Variants in LOC128462377 observed in about 807,000 individuals in gnomAD.
chr16:89,358,262 C>T, the LOC128462377 span, among the ~76,000 whole-genome samples: 2 of 152,234 alleles, frequency 1.3e-5, no homozygotes, highest in Non-Finnish European at 2.9e-5. Context: ...TGCCGGCTTG[C>T]AGAAGACGTA....
chr16:89,349,407 G>A, the LOC128462377 span, among the ~76,000 whole-genome samples: 1 of 152,126 alleles, frequency 6.6e-6, no homozygotes, highest in South Asian at 2.1e-4. Flanking sequence ...GTGAACCCGG[G>A]AGGCGGAGCT....
chr16:89,339,202 A>AT, the LOC128462377 span, among the ~76,000 whole-genome samples: 1 of 152,202 alleles, frequency 6.6e-6, no homozygotes, highest in Non-Finnish European at 1.5e-5. Context: ...CAAAAGGTCC[A>AT]TTTTTCAGTC....
At chr16:89,392,058 A>G in the LOC128462377 span, among the ~76,000 whole-genome samples, 1 of 152,238 alleles carries the variant, frequency 6.6e-6, no homozygotes, top group Non-Finnish European at 1.5e-5. Flanking sequence ...CCTCTTTTAA[A>G]AAGTTCTAAG....
the LOC128462377 span, among the ~76,000 whole-genome samples, chr16:89,393,780 G>C: frequency 6.6e-6 from 1 of 152,154 alleles, no homozygotes; most frequent in South Asian, 2.1e-4. Flanking sequence ...ATCTGGCAGA[G>C]CTCTGCATGG....
At chr16:89,395,564 A>G in the LOC128462377 span, 2 of 152,242 alleles carry the variant, frequency 1.3e-5, no homozygotes, top group African/African-American at 4.8e-5. Flanking sequence ...GAGGGGACCA[A>G]TGGGCCATCA....
chr16:89,397,798 A>G, the LOC128462377 span, among the ~76,000 whole-genome samples: 1 of 152,232 alleles, frequency 6.6e-6, no homozygotes, highest in Non-Finnish European at 1.5e-5. Flanking sequence ...AGCCCTTGGC[A>G]GCAGGCGGTG....
chr16:89,348,240 C>A, the LOC128462377 span, among the ~76,000 whole-genome samples: 3 of 152,116 alleles, frequency 2.0e-5, no homozygotes, highest in Non-Finnish European at 1.5e-5. Flanking sequence ...CCTCAAATAC[C>A]ATTTTTTAAA....
the LOC128462377 span, among the ~76,000 whole-genome samples, chr16:89,390,623 A>G: frequency 2.6e-5 from 4 of 152,320 alleles, no homozygotes; most frequent in African/African-American, 9.6e-5. Flanking sequence ...AAAATCTTAA[A>G]GGCAGTCAAA....
chr16:89,383,182 C>T, the LOC128462377 span, among the ~76,000 whole-genome samples: 1 of 152,194 alleles, frequency 6.6e-6, no homozygotes, highest in Non-Finnish European at 1.5e-5. Context: ...GTAAAGGGAG[C>T]GGTGCGAGGT....
chr16:89,324,449 C>T, the LOC128462377 span: 2 of 460,678 alleles, frequency 4.3e-6, no homozygotes, highest in Admixed American at 4.7e-5. Context: ...GTGAGGGTTA[C>T]TACTGAGTTT....
the LOC128462377 span, chr16:89,343,658 G>C: frequency 3.3e-5 from 5 of 152,262 alleles, no homozygotes; most frequent in African/African-American, 9.6e-5. Context: ...AACTTGGTCA[G>C]TCACATCCAT....
the LOC128462377 span, among the ~76,000 whole-genome samples, chr16:89,367,404 G>A: frequency 3.3e-5 from 5 of 152,304 alleles, no homozygotes; most frequent in Admixed American, 6.5e-5. Flanking sequence ...GATGCTCAAC[G>A]CAACCTTAGC....
At chr16:89,356,018 C>T in the LOC128462377 span, among the ~76,000 whole-genome samples, 1,147 of 152,260 alleles carry the variant, frequency 7.5e-3, 12 homozygotes, top group African/African-American at 0.024. Context: ...GGGGCTGAGG[C>T]GACAGTGAGC....
chr16:89,374,929 A>G, the LOC128462377 span, among the ~76,000 whole-genome samples: 1 of 152,190 alleles, frequency 6.6e-6, no homozygotes, highest in South Asian at 2.1e-4. Context: ...AGGAATACCG[A>G]AAAAAGTCAG....
At chr16:89,365,304 C>T in the LOC128462377 span, among the ~76,000 whole-genome samples, 2 of 152,302 alleles carry the variant, frequency 1.3e-5, no homozygotes, top group African/African-American at 4.8e-5. Context: ...TGTGTCATCA[C>T]CTCCTGACGT....
chr16:89,318,754 T>A, the LOC128462377 span, among the ~76,000 whole-genome samples: 1 of 152,334 alleles, frequency 6.6e-6, no homozygotes, highest in South Asian at 2.1e-4. Flanking sequence ...GCTGTCTTGG[T>A]ATTTAACTGG....
the LOC128462377 span, among the ~76,000 whole-genome samples, chr16:89,414,339 AC>A: frequency 6.6e-6 from 1 of 152,066 alleles, no homozygotes; most frequent in Non-Finnish European, 1.5e-5. Flanking sequence ...CAAATGGAAC[AC>A]CCACATGTTG....
At chr16:89,317,490 C>G in the LOC128462377 span, among the ~76,000 whole-genome samples, 6 of 152,290 alleles carry the variant, frequency 3.9e-5, no homozygotes, top group South Asian at 1.2e-3. Flanking sequence ...GCGCAGTACC[C>G]CAGCCCTCAG....
chr16:89,407,117 C>T, the LOC128462377 span, among the ~76,000 whole-genome samples: 1 of 151,744 alleles, frequency 6.6e-6, no homozygotes, highest in Admixed American at 6.6e-5. Flanking sequence ...ACTCGGGAGG[C>T]GGAGGAGGCG....
Sources: gnomAD v4.1 joint callset for allele counts (sites outside exome capture counted in the v4.1 genomes callset) on GRCh38, gnomAD v4.1.1 for gene constraint, MANE v1.5 for transcripts.